The following DCC variants were observed in gnomAD, a reference collection of about 807,000 sequenced individuals.
DCC encodes netrin receptor DCC.
Under a neutral mutation model 172.5 loss-of-function variants are expected in DCC, and 58 were observed. That is an observed-to-expected ratio of 0.34 (90% confidence interval 0.27 to 0.42). The LOEUF (loss-of-function observed/expected upper bound fraction) is 0.42. Among genes scored for constraint, DCC ranks in the 10% least tolerant of loss-of-function variants. The probability of loss-of-function intolerance (pLI) is 1.00; values close to 1 mark genes in which losing one functional copy is unlikely to be tolerated. For synonymous variants in DCC, 709 were observed against 644.5 expected, an observed-to-expected ratio of 1.10 and a Z score of -1.52; for missense variants, 1,740 against 1,791.0, an observed-to-expected ratio of 0.97 and a Z score of 0.51.
chr18:53,212,002 C>T (rs1469730938), intron 11 of DCC, among the ~76,000 whole-genome samples: 1 of 152,074 alleles, frequency 6.6e-6, no homozygotes, highest in Non-Finnish European at 1.5e-5. Context: ...GAGCCTAGAT[C>T]ACACCACTGC....
intron 12 of DCC, among the ~76,000 whole-genome samples, chr18:53,274,107 C>G (rs2056779194): frequency 6.6e-6 from 1 of 152,106 alleles, no homozygotes; most frequent in Non-Finnish European, 1.5e-5. Flanking sequence ...AACTATGCTA[C>G]CTTTTCTCAG....
chr18:52,583,162 T>C (rs1342245121), intron 1 of DCC, among the ~76,000 whole-genome samples: 4 of 152,190 alleles, frequency 2.6e-5, no homozygotes, highest in South Asian at 2.1e-4. Context: ...TGTATGAGGA[T>C]ACAATTTTTT....
intron 1 of DCC, among the ~76,000 whole-genome samples, chr18:52,621,795 C>T (rs1251274065): frequency 1.3e-5 from 2 of 152,138 alleles, no homozygotes; most frequent in Non-Finnish European, 2.9e-5. Context: ...GGAACTGATA[C>T]TTATGATACC....
chr18:53,125,753 G>A (rs188521077), intron 7 of DCC, among the ~76,000 whole-genome samples: 141 of 152,216 alleles, frequency 9.3e-4, no homozygotes, highest in Non-Finnish European at 1.6e-3. Flanking sequence ...ACGCAGCTCC[G>A]AAGTGTACAC....
intron 7 of DCC, among the ~76,000 whole-genome samples, chr18:53,136,814 T>C (rs1003038397): frequency 6.6e-6 from 1 of 152,214 alleles, no homozygotes; most frequent in African/African-American, 2.4e-5. Context: ...TGTCTCAGCA[T>C]TTGAACACTA....
intron 23 of DCC, among the ~76,000 whole-genome samples, chr18:53,453,884 A>G (rs2045449121): frequency 6.6e-6 from 1 of 152,150 alleles, no homozygotes; most frequent in Non-Finnish European, 1.5e-5. Flanking sequence ...AAAACATAAA[A>G]ATTCCCAATG....
chr18:53,209,983 C>T (rs917054612), intron 11 of DCC, among the ~76,000 whole-genome samples: 14 of 152,188 alleles, frequency 9.2e-5, no homozygotes, highest in African/African-American at 3.4e-4. Flanking sequence ...TTTCGTGACC[C>T]TAACCCCAAT....
chr18:52,891,620 T>C (rs916236582), intron 2 of DCC, among the ~76,000 whole-genome samples: 4 of 152,122 alleles, frequency 2.6e-5, no homozygotes, highest in African/African-American at 9.7e-5. Context: ...TTTTTTGCTA[T>C]CTTCCATACC....
At chr18:53,317,714 G>C (rs186206898) in intron 13 of DCC, among the ~76,000 whole-genome samples, 11 of 152,152 alleles carry the variant, frequency 7.2e-5, no homozygotes, top group African/African-American at 2.6e-4. Flanking sequence ...AGCGGGCAGG[G>C]GGCATATGTG....
chr18:53,419,077 T>C (rs1022962739), intron 21 of DCC, among the ~76,000 whole-genome samples: 2 of 152,052 alleles, frequency 1.3e-5, no homozygotes, highest in Non-Finnish European at 2.9e-5. Context: ...TTTTGTAGGG[T>C]TGGGTAAGGA....
At chr18:52,968,632 T>A (rs1488592165) in intron 5 of DCC, among the ~76,000 whole-genome samples, 2 of 152,160 alleles carry the variant, frequency 1.3e-5, no homozygotes, top group African/African-American at 4.8e-5. Context: ...CAATGGAAAC[T>A]AGATTCAAAC....
At chr18:52,416,069 T>G (rs575598904) in intron 1 of DCC, among the ~76,000 whole-genome samples, 13 of 152,292 alleles carry the variant, frequency 8.5e-5, no homozygotes, top group Admixed American at 6.5e-4. Flanking sequence ...TCTGGTATGT[T>G]GTGTCTTTGT....
intron 1 of DCC, among the ~76,000 whole-genome samples, chr18:52,658,145 A>G (rs917897459): frequency 2.0e-5 from 3 of 152,202 alleles, no homozygotes; most frequent in Non-Finnish European, 4.4e-5. Flanking sequence ...TCACAAATGA[A>G]GGGAAAGCTG....
chr18:52,539,903 C>T (rs897004465), intron 1 of DCC, among the ~76,000 whole-genome samples: 1 of 151,808 alleles, frequency 6.6e-6, no homozygotes, highest in East Asian at 1.9e-4. Flanking sequence ...ACAACAACAA[C>T]AAAAAAACCC....
intron 14 of DCC, among the ~76,000 whole-genome samples, chr18:53,336,356 A>G (rs909194673): frequency 6.6e-6 from 1 of 152,194 alleles, no homozygotes; most frequent in African/African-American, 2.4e-5. Flanking sequence ...TTAGAGAAAA[A>G]TCACTCAGGT....
intron 1 of DCC, among the ~76,000 whole-genome samples, chr18:52,677,054 T>A (rs2144981943): frequency 6.6e-6 from 1 of 152,316 alleles, no homozygotes; most frequent in African/African-American, 2.4e-5. Flanking sequence ...CAAAGAGCTC[T>A]GAGAAATAGT....
At chr18:52,589,214 A>T (rs1021057816) in intron 1 of DCC, among the ~76,000 whole-genome samples, 6 of 152,244 alleles carry the variant, frequency 3.9e-5, no homozygotes, top group Non-Finnish European at 5.9e-5. Context: ...ACAGCTTGAC[A>T]AAAGCAAATG....
At chr18:53,155,720 A>G (rs2054720154) in intron 7 of DCC, among the ~76,000 whole-genome samples, 1 of 152,212 alleles carries the variant, frequency 6.6e-6, no homozygotes, top group Non-Finnish European at 1.5e-5. Context: ...TACATAAATA[A>G]ACCACTTCAA....
chr18:52,909,305 T>G (rs2145455194), intron 3 of DCC, among the ~76,000 whole-genome samples: 1 of 152,264 alleles, frequency 6.6e-6, no homozygotes, highest in Middle Eastern at 3.4e-3. Context: ...TTGGCATGAC[T>G]TAGGACTATT....
Sources: gnomAD v4.1 joint callset for allele counts (sites outside exome capture counted in the v4.1 genomes callset) on GRCh38, gnomAD v4.1.1 for gene constraint, MANE v1.5 for transcripts, NCBI Gene and HGNC (gene_info 2026-07-23, HGNC 2026-07-21) for gene names.